The following FLI1 variants were observed in gnomAD, a reference collection of about 807,000 sequenced individuals.
The protein encoded by FLI1 is Fli-1 proto-oncogene, ETS transcription factor, also known as Friend leukemia integration 1 transcription factor.
FLI1 carries 13 observed loss-of-function variants against 53.1 expected under a neutral mutation model. The observed-to-expected ratio is 0.24, with a 90% CI of 0.16 to 0.39. FLI1 has a LOEUF of 0.39. FLI1 is among the 10% of genes least tolerant of loss of function. The pLI, the probability that FLI1 is intolerant of heterozygous loss-of-function variation, is 1.00. For missense variants in FLI1, 424 were observed against 600.5 expected (o/e 0.71, Z 3.07); for synonymous variants, 244 against 236.7 (o/e 1.03, Z -0.28).
chr11:128,720,342 C>G (rs1440480408), intron 1 of FLI1, among the ~76,000 whole-genome samples: 1 of 152,186 alleles, frequency 6.6e-6, no homozygotes, highest in Non-Finnish European at 1.5e-5. Context: ...AGCTTCTGGA[C>G]CTGGGATGGC....
intron 5 of FLI1, among the ~76,000 whole-genome samples, chr11:128,799,714 G>GC (rs750747219): frequency 1.3e-5 from 2 of 152,232 alleles, no homozygotes; most frequent in Non-Finnish European, 2.9e-5. Context: ...GCGGACTCGA[G>GC]CAAAGACTGC....
upstream of FLI1, among the ~76,000 whole-genome samples, chr11:128,685,554 CA>C (rs111642677): frequency 9.0e-3 from 1,287 of 142,894 alleles, 12 homozygotes; most frequent in African/African-American, 0.021. Context: ...CTTCGACTTT[CA>C]AAAAAAAAAA....
At chr11:128,785,094 T>C (rs1448060823) in intron 5 of FLI1, among the ~76,000 whole-genome samples, 2 of 152,132 alleles carry the variant, frequency 1.3e-5, no homozygotes, top group African/African-American at 2.4e-5. Flanking sequence ...GAAGTAAGAG[T>C]AGATTTTAAA....
intron 1 of FLI1, among the ~76,000 whole-genome samples, chr11:128,699,693 C>T (rs1431125730): frequency 3.3e-5 from 5 of 152,206 alleles, no homozygotes; most frequent in African/African-American, 1.2e-4. Flanking sequence ...TATTACAGTT[C>T]TGCCACTGAC....
chr11:128,742,711 C>T (rs1424449393), intron 1 of FLI1, among the ~76,000 whole-genome samples: 1 of 152,210 alleles, frequency 6.6e-6, no homozygotes, highest in Non-Finnish European at 1.5e-5. Context: ...TCCCCTGGAC[C>T]AAATCAGAGA....
At position 128,811,292 on chromosome 11, in the gene FLI1, G is replaced by T; in HGVS notation, c.*304G>T. ...TGGAATGGTTAAGTCATGGTTCTGA[G>T]AAAGAAGCTGTACGTTTTCTTTATG... On this transcript the variant is annotated 3_prime_UTR_variant, in exon 9 of 9. Coordinates refer to ENST00000527786, the MANE Select transcript of FLI1 (RefSeq NM_002017.5). 2.2e-6 allele frequency: 1 copy of T among 445,010 alleles called. No homozygotes were observed. Among genetic ancestry groups the T allele is most frequent in the African/African-American group, 2.0e-5 (1 of 50,570 alleles). The allele number at this position is 445,010 out of a possible 1,614,324, so 27.6% of individuals were successfully genotyped here.
chr11:128,731,147 C>T (rs1246147584), intron 1 of FLI1, among the ~76,000 whole-genome samples: 1 of 152,230 alleles, frequency 6.6e-6, no homozygotes, highest in African/African-American at 2.4e-5. Context: ...GTTGCTCTTG[C>T]AGCTTGCACA....
At position 128,799,048 on chromosome 11, in the gene FLI1, T is replaced by G. The variant is rs1942541634; in HGVS notation, c.656-6318T>G. 2.8e-5 allele frequency among the ~76,000 whole-genome samples: 4 copies of G among 141,762 alleles called. No individual in the cohort carries two copies. In the South Asian group the frequency reaches 9.1e-4, roughly 32 times the overall value. 93.0% of individuals were successfully genotyped at this position (141,762 alleles called of 152,430 possible). The stretch of plus-strand genomic sequence containing the variant: ...TTATTATTATTATTATTATTATTAT[T>G]ATTATTTTGCTTTGGAGACAGGATC... On this transcript the variant is annotated intron_variant, in intron 5 of 8. Coordinates refer to ENST00000527786, the MANE Select transcript of FLI1 (RefSeq NM_002017.5).
chr11:128,711,792 T>C (rs1938793395), intron 1 of FLI1, among the ~76,000 whole-genome samples: 1 of 152,262 alleles, frequency 6.6e-6, no homozygotes, highest in East Asian at 1.9e-4. Context: ...CTCCATACTA[T>C]TAACAGATGG....
chr11:128,775,712 C>A (rs531479611), intron 4 of FLI1, among the ~76,000 whole-genome samples: 1 of 152,208 alleles, frequency 6.6e-6, no homozygotes. Context: ...AAGGCCAGTG[C>A]TTGTGGAGAG....
At chr11:128,732,789 A>C (rs1480142241) in intron 1 of FLI1, among the ~76,000 whole-genome samples, 1 of 152,232 alleles carries the variant, frequency 6.6e-6, no homozygotes, top group East Asian at 1.9e-4. Flanking sequence ...AAAGAAAGAA[A>C]AAAGTAAATG....
intron 5 of FLI1, among the ~76,000 whole-genome samples, chr11:128,801,880 AG>A (rs1942647186): frequency 6.6e-6 from 1 of 152,138 alleles, no homozygotes; most frequent in Non-Finnish European, 1.5e-5. Flanking sequence ...TTCAGGAGGG[AG>A]GGGGATATGA....
chr11:128,801,528 G>C (rs1304363939), intron 5 of FLI1, among the ~76,000 whole-genome samples: 1 of 152,182 alleles, frequency 6.6e-6, no homozygotes, highest in Non-Finnish European at 1.5e-5. Flanking sequence ...GTGGGAACAA[G>C]CTTTTAGCCT....
intron 1 of FLI1, among the ~76,000 whole-genome samples, chr11:128,739,730 G>A (rs1285600200): frequency 1.3e-5 from 2 of 150,024 alleles, no homozygotes; most frequent in African/African-American, 4.9e-5. Flanking sequence ...ATTTTACTTC[G>A]AAAAAAAAAT....
At chr11:128,705,891 G>T (rs930783627) in intron 1 of FLI1, among the ~76,000 whole-genome samples, 1 of 152,134 alleles carries the variant, frequency 6.6e-6, no homozygotes, top group South Asian at 2.1e-4. Context: ...AGGGCCAAGC[G>T]CCTGCCTTTG....
chr11:128,747,898 A>G (rs781383064), intron 1 of FLI1, among the ~76,000 whole-genome samples: 16 of 152,274 alleles, frequency 1.1e-4, no homozygotes, highest in Non-Finnish European at 2.4e-4. Context: ...TTCCATATTC[A>G]GCACTTTTTG....
chr11:128,697,111 C>T (rs1938113357), intron 1 of FLI1, among the ~76,000 whole-genome samples: 1 of 152,146 alleles, frequency 6.6e-6, no homozygotes, highest in Admixed American at 6.5e-5. Flanking sequence ...TAAACAACAC[C>T]CGACCCACGC....
intron 3 of FLI1, 50 bp downstream of exon 3, chr11:128,768,322 G>A (rs757305967): frequency 1.5e-5 from 1 of 64,828 alleles, no homozygotes; most frequent in East Asian, 1.8e-4. Flanking sequence ...CCCACTCTCT[G>A]GGGGGGCAGG....
upstream of FLI1, chr11:128,692,791 C>G (rs1218030421): frequency 6.6e-6 from 1 of 152,190 alleles, no homozygotes. Context: ...GTCCGGAGAG[C>G]GTGGACAAGG....
Sources: gnomAD v4.1 joint callset for allele counts (sites outside exome capture counted in the v4.1 genomes callset) on GRCh38, gnomAD v4.1.1 for gene constraint, MANE v1.5 for transcripts, NCBI Gene and HGNC (gene_info 2026-07-23, HGNC 2026-07-21) for gene names.